The following CTNNA3 variants were observed in gnomAD, a reference collection of about 807,000 sequenced individuals.
CTNNA3 encodes the protein catenin alpha-3.
Under a neutral mutation model 95.7 loss-of-function variants are expected in CTNNA3, and 76 were observed. That is an observed-to-expected ratio of 0.79 (90% CI 0.66 to 0.96). CTNNA3 has a LOEUF of 0.96. Among genes scored for constraint, CTNNA3 ranks in the 40% least tolerant of loss-of-function variants. The pLI, the probability that CTNNA3 is intolerant of heterozygous loss-of-function variation, is 0.00. For missense variants in CTNNA3, 1,191 were observed against 1,089.8 expected (o/e 1.09, Z -1.31); for synonymous variants, 431 against 374.4 (o/e 1.15, Z -1.74).
At chr10:66,081,128 T>TCTCAGAA (rs2133643574) in intron 14 of CTNNA3, among the ~76,000 whole-genome samples, 1 of 152,238 alleles carries the variant, frequency 6.6e-6, no homozygotes, top group South Asian at 2.1e-4. Flanking sequence ...AGTCAACCAA[T>TCTCAGAA]GAACCTGAGA....
intron 10 of CTNNA3, among the ~76,000 whole-genome samples, chr10:66,522,928 G>T (rs1425275865): frequency 6.6e-6 from 1 of 151,984 alleles, no homozygotes; most frequent in Non-Finnish European, 1.5e-5. Flanking sequence ...CCTAAAGACT[G>T]TACCTTAAGT....
chr10:66,587,404 A>C (rs1427248712), intron 10 of CTNNA3, among the ~76,000 whole-genome samples: 1 of 151,962 alleles, frequency 6.6e-6, no homozygotes, highest in Non-Finnish European at 1.5e-5. Flanking sequence ...CACTCAGGGG[A>C]GGTATTCCTG....
intron 5 of CTNNA3, among the ~76,000 whole-genome samples, chr10:67,389,107 C>A (rs1452588550): frequency 1.3e-5 from 2 of 151,786 alleles, no homozygotes; most frequent in Non-Finnish European, 2.9e-5. Context: ...TTAAAAGACA[C>A]AGACTGGCAA....
chr10:66,059,786 AG>A (rs1471317970), intron 15 of CTNNA3, among the ~76,000 whole-genome samples: 16 of 152,156 alleles, frequency 1.1e-4, no homozygotes, highest in Admixed American at 9.2e-4. Context: ...ATATTTTTCA[AG>A]TAAAAACACA....
At position 65,966,617 on chromosome 10, in the gene CTNNA3, A is replaced by G. The variant is rs2077971764; in HGVS notation, c.2395T>C (p.Ser799Pro). The change falls in exon 17 of 18, where the codon TCA (serine) becomes CCA (proline). Residue 799 changes from serine to proline, a missense_variant. Physicochemically the swap from Ser to Pro is moderately conservative, Grantham distance 74. Transcript: ENST00000433211. ...IQNLGGELIM[S>P]ALDSVTSLIQ... is the part of the protein sequence containing the mutation. ...AAGTGCTAGGCAGTACTCACAGCTGACATGATGAGCTCTCCTCCCAGGTTC... is the reference window on the plus strand; with the variant it reads ...AAGTGCTAGGCAGTACTCACAGCTGGCATGATGAGCTCTCCTCCCAGGTTC... The G allele has an allele frequency of 2.5e-6, 4 of 1,613,616 alleles. No individual in the cohort carries two copies. Among genetic ancestry groups the G allele is most frequent in the African/African-American group, 1.3e-5 (1 of 75,052 alleles).
chr10:67,391,490 T>C (rs911056183), intron 5 of CTNNA3, among the ~76,000 whole-genome samples: 26 of 152,230 alleles, frequency 1.7e-4, no homozygotes, highest in Non-Finnish European at 2.6e-4. Context: ...CAAGGTAATT[T>C]ACAGATTCAA....
At chr10:65,955,989 G>T (rs1269016981) in intron 17 of CTNNA3, among the ~76,000 whole-genome samples, 3 of 152,084 alleles carry the variant, frequency 2.0e-5, no homozygotes, top group South Asian at 2.1e-4. Context: ...GTGCCTCTGG[G>T]AGAATTTGGC....
chr10:66,090,461 T>C lies in CTNNA3; in HGVS notation c.1977+12696A>G, dbSNP rs1227788853. On this transcript the variant is annotated intron_variant, in intron 14 of 17. Transcript: ENST00000433211. ...TCACTTAATGATACATCATTCCTTATAAATATTAACTCCTAGAAGCCTCAC... is the reference window on the plus strand; with the variant it reads ...TCACTTAATGATACATCATTCCTTACAAATATTAACTCCTAGAAGCCTCAC... 2.0e-5 allele frequency among the ~76,000 whole-genome samples: 3 copies of C among 152,020 alleles called. No individual in the cohort carries two copies. In the East Asian group the frequency reaches 5.8e-4, roughly 29 times the overall value.
chr10:67,198,902 T>A (rs1321922019), intron 6 of CTNNA3, among the ~76,000 whole-genome samples: 1 of 152,172 alleles, frequency 6.6e-6, no homozygotes, highest in Non-Finnish European at 1.5e-5. Context: ...AGAGCCTTAT[T>A]TTTTCCCTTG....
intron 7 of CTNNA3, among the ~76,000 whole-genome samples, chr10:67,165,702 G>A (rs990249857): frequency 5.3e-5 from 8 of 152,092 alleles, no homozygotes; most frequent in African/African-American, 1.2e-4. Flanking sequence ...TTCCTGGGAC[G>A]AAAATGAGAG....
At chr10:66,063,797 T>G (rs927759275) in intron 15 of CTNNA3, among the ~76,000 whole-genome samples, 22 of 152,118 alleles carry the variant, frequency 1.4e-4, no homozygotes, top group African/African-American at 5.3e-4. Flanking sequence ...TTTTCATTAT[T>G]GTAAAGATGT....
At chr10:66,384,209 G>A (rs2132506194) in intron 11 of CTNNA3, among the ~76,000 whole-genome samples, 1 of 152,242 alleles carries the variant, frequency 6.6e-6, no homozygotes, top group South Asian at 2.1e-4. Context: ...CCCACCTCAT[G>A]TGCAAAGATG....
chr10:67,262,992 T>TA (rs1232833305), intron 5 of CTNNA3, among the ~76,000 whole-genome samples: 1 of 152,164 alleles, frequency 6.6e-6, no homozygotes, highest in African/African-American at 2.4e-5. Context: ...ATTAACATCT[T>TA]ACTTGTATAG....
chr10:66,665,930 T>C (rs1352872766), intron 9 of CTNNA3, among the ~76,000 whole-genome samples: 1 of 152,176 alleles, frequency 6.6e-6, no homozygotes, highest in Non-Finnish European at 1.5e-5. Flanking sequence ...ATAAGTACTT[T>C]GTGAATTGCT....
intron 1 of CTNNA3, among the ~76,000 whole-genome samples, chr10:67,692,067 T>TG (rs1167705971): frequency 9.2e-5 from 10 of 108,448 alleles, no homozygotes; most frequent in South Asian, 3.2e-4. Flanking sequence ...GGGAGGGAGG[T>TG]GGGGGGGTCA....
intron 1 of CTNNA3, among the ~76,000 whole-genome samples, chr10:67,653,627 T>A (rs1370501199): frequency 6.6e-6 from 1 of 152,168 alleles, no homozygotes; most frequent in Non-Finnish European, 1.5e-5. Context: ...TCATATATAG[T>A]CCCTTGGAAT....
intron 5 of CTNNA3, among the ~76,000 whole-genome samples, chr10:67,252,720 A>G (rs1866159611): frequency 6.6e-6 from 1 of 152,170 alleles, no homozygotes; most frequent in African/African-American, 2.4e-5. Flanking sequence ...ACCATCCCTT[A>G]CTTGAAATAA....
intron 7 of CTNNA3, chr10:67,052,685 T>C (rs1218218126): frequency 6.6e-6 from 1 of 152,284 alleles, no homozygotes; most frequent in Non-Finnish European, 1.5e-5. Flanking sequence ...AGGGGGAAGA[T>C]GCTAACAACT....
chr10:66,224,996 ATTATAT>A (rs1451302063), intron 13 of CTNNA3, among the ~76,000 whole-genome samples: 1 of 152,118 alleles, frequency 6.6e-6, no homozygotes, highest in Non-Finnish European at 1.5e-5. Flanking sequence ...AATCAGAATA[ATTATAT>A]TTATGACCTC....
Sources: allele counts gnomAD v4.1 joint callset (sites outside exome capture counted in the v4.1 genomes callset), GRCh38; gene constraint gnomAD v4.1.1; transcripts MANE v1.5; gene names NCBI Gene and HGNC (gene_info 2026-07-23, HGNC 2026-07-21).